The following TRPS1 variants were observed in gnomAD, a reference collection of about 807,000 sequenced individuals.
TRPS1 encodes transcriptional repressor GATA binding 1, also known as zinc finger transcription factor Trps1.
Under a neutral mutation model 101.2 loss-of-function variants are expected in TRPS1, and 6 were observed. The ratio of observed to expected loss-of-function variants is 0.06; its 90% CI spans 0.03 to 0.12. The LOEUF (loss-of-function observed/expected upper bound fraction) is 0.12, where lower values mean the gene tolerates loss of function less well. TRPS1 is among the 10% of genes least tolerant of loss of function. The pLI, the probability that TRPS1 is intolerant of heterozygous loss-of-function variation, is 1.00. For missense variants in TRPS1, 1,363 were observed against 1,567.0 expected (o/e 0.87, Z 2.20); for synonymous variants, 578 against 589.8 (o/e 0.98, Z 0.29).
intron 5 of TRPS1, among the ~76,000 whole-genome samples, chr8:115,504,523 A>G (rs1301284319): frequency 6.6e-6 from 1 of 152,158 alleles, no homozygotes; most frequent in Non-Finnish European, 1.5e-5. Context: ...ACACAACCTA[A>G]TGCACCCAAC....
At position 115,492,547 on chromosome 8, in the gene TRPS1, G is replaced by T. The variant is rs150574779; in HGVS notation, c.2701-74095C>A. On this transcript the variant is annotated intron_variant, in intron 5 of 6. Coordinates refer to ENST00000395715, the MANE Select transcript of TRPS1 (RefSeq NM_014112.5). ...TCAATCGACAAAAATAACTCTATGG[G>T]GTGGGTGCTATTGTCATTCTAGTTT... Among the ~76,000 whole-genome samples the T allele has an allele frequency of 2.6e-5, 4 of 151,866 alleles. No individual in the cohort carries two copies. In the East Asian group the frequency reaches 7.7e-4, roughly 29 times the overall value.
At chr8:115,663,668 CATAG>C (rs60228691) in intron 1 of TRPS1, among the ~76,000 whole-genome samples, 10,536 of 126,898 alleles carry the variant, frequency 0.083, 1,127 homozygotes, top group African/African-American at 0.26. Context: ...ATTTGAAGTA[CATAG>C]ATAATTTCAC....
chr8:115,508,122 T>C (rs993185602), intron 5 of TRPS1, among the ~76,000 whole-genome samples: 3 of 152,128 alleles, frequency 2.0e-5, no homozygotes, highest in Non-Finnish European at 4.4e-5. Flanking sequence ...GCCCAGTTCA[T>C]GTAGAAATTT....
rs886062602 is a variant in TRPS1, at chr8:115,409,261, G to GGAAAAAAAAAA, written c.*4761_*4762insTTTTTTTTTTC. 4.9e-5 allele frequency: 5 copies of GGAAAAAAAAAA among 102,252 alleles called. No individual in the cohort carries two copies. Among genetic ancestry groups the GGAAAAAAAAAA allele is most frequent in the African/African-American group, 2.0e-4 (5 of 24,754 alleles). The allele number at this position is 102,252 out of a possible 1,614,324, so 6.3% of individuals were successfully genotyped here. Reference sequence around the variant, plus strand: ...TGATATGCTGCAGTTTATATGTTGGGAAAAAAAAAAAAAAAAAAAACAGGG... The same window carrying GGAAAAAAAAAA: ...TGATATGCTGCAGTTTATATGTTGGGGAAAAAAAAAAAAAAAAAAAAAAAAAAAAAACAGGG... On this transcript the variant is annotated 3_prime_UTR_variant, in exon 7 of 7. Coordinates refer to ENST00000395715, the MANE Select transcript of TRPS1 (RefSeq NM_014112.5).
rs1285752719 is a variant in TRPS1 at position 115,580,634 on chromosome 8, AT to A, written c.2700+6366del. On this transcript the variant is annotated intron_variant, in intron 5 of 6. Transcript: ENST00000395715. ...TAATGAACAGATACTGCACTAAAGG[AT>A]AACATTTCACAGTAGCTGCAAACCT... is the stretch of plus-strand genomic sequence containing the variant. 8.5e-5 allele frequency among the ~76,000 whole-genome samples: 13 copies of A among 152,288 alleles called. No individual in the cohort carries two copies. In the East Asian group the frequency reaches 2.5e-3, roughly 29 times the overall value.
At chr8:115,436,458 G>A (rs1374554469) in intron 5 of TRPS1, among the ~76,000 whole-genome samples, 1 of 152,136 alleles carries the variant, frequency 6.6e-6, no homozygotes, top group Non-Finnish European at 1.5e-5. Flanking sequence ...GCAAACTTGG[G>A]TCATGTCCCT....
rs1431618553 is a variant in TRPS1, at chr8:115,410,761, A to T, written c.*3262T>A. ...GGCCTAAAGTTTGATCCAAAGCTCA[A>T]TTTAGAATATAGACAAATAATTTTA... On this transcript the variant is annotated 3_prime_UTR_variant, in exon 7 of 7. Coordinates refer to ENST00000395715, the MANE Select transcript of TRPS1 (RefSeq NM_014112.5). 6.6e-6 allele frequency: 1 copy of T among 152,490 alleles called. No homozygotes were observed. Among genetic ancestry groups the T allele is most frequent in the African/African-American group, 2.4e-5 (1 of 41,448 alleles). The allele number at this position is 152,490 out of a possible 1,614,324, so 9.4% of individuals were successfully genotyped here. A position where few individuals can be genotyped will look rare whatever the true frequency, so the allele number is the denominator to read the frequency against.
At chr8:115,590,139 C>A (rs116675251) in intron 4 of TRPS1, among the ~76,000 whole-genome samples, 5,406 of 151,646 alleles carry the variant, frequency 0.036, 326 homozygotes, top group African/African-American at 0.12. Flanking sequence ...ACAACAACAA[C>A]AAAAAAAACC....
chr8:115,526,653 T>C (rs571586467), intron 5 of TRPS1, among the ~76,000 whole-genome samples: 1 of 152,246 alleles, frequency 6.6e-6, no homozygotes, highest in East Asian at 1.9e-4. Context: ...TCATGCCTTA[T>C]ATAGAAATGG....
At position 115,418,515 on chromosome 8, in the gene TRPS1, A is replaced by T; in HGVS notation, c.2701-63T>A. 6.2e-7 allele frequency: 1 copy of T among 1,612,136 alleles called. No individual in the cohort carries two copies. The highest frequency in any genetic ancestry group is 1.7e-4 in the Middle Eastern group (1 of 5,994). On this transcript the variant is annotated intron_variant, in intron 5 of 6. Coordinates refer to ENST00000395715, the MANE Select transcript of TRPS1 (RefSeq NM_014112.5). This position sits in a 1 kb window ranked among gnomAD's most constrained non-coding sequence, Gnocchi z 4.3. Reference sequence around the variant, plus strand: ...CACATGATCAGTGGAGTTAGACCAAATCAACCCAGGAGTTTTGTCTTTAAA... The same window carrying T: ...CACATGATCAGTGGAGTTAGACCAATTCAACCCAGGAGTTTTGTCTTTAAA...
At chr8:115,607,475 A>G (rs1020932464) in intron 3 of TRPS1, among the ~76,000 whole-genome samples, 3 of 151,738 alleles carry the variant, frequency 2.0e-5, no homozygotes, top group African/African-American at 7.3e-5. Context: ...TCATTATTTA[A>G]GAAGCTTTTA....
intron 5 of TRPS1, among the ~76,000 whole-genome samples, chr8:115,573,463 T>C (rs1817250608): frequency 6.6e-6 from 1 of 152,150 alleles, no homozygotes; most frequent in Non-Finnish European, 1.5e-5. Flanking sequence ...TGCTAACTCT[T>C]GAAGACTGTC....
At chr8:115,586,953 T>G (rs1174993104) in intron 5 of TRPS1, 48 bp downstream of exon 5, 3 of 1,610,802 alleles carry the variant, frequency 1.9e-6, no homozygotes, top group Middle Eastern at 1.8e-4. Context: ...GTGTTCCTCC[T>G]TTTGCCCTTC....
chr8:115,535,329 T>C lies in TRPS1; in HGVS notation c.2700+51672A>G, dbSNP rs556487805. On this transcript the variant is annotated intron_variant, in intron 5 of 6. Transcript: ENST00000395715. Reference sequence around the variant, plus strand: ...TAGCATATATAGCATATATAGAGCATATATAGCGCATATATATAGCATATA... The same window carrying C: ...TAGCATATATAGCATATATAGAGCACATATAGCGCATATATATAGCATATA... 1.5e-4 allele frequency among the ~76,000 whole-genome samples: 22 copies of C among 147,790 alleles called. 1 individual carries two copies. In the East Asian group the frequency reaches 4.3e-3, roughly 29 times the overall value.
intron 5 of TRPS1, among the ~76,000 whole-genome samples, chr8:115,541,678 T>C (rs1329178444): frequency 1.3e-5 from 2 of 152,194 alleles, no homozygotes; most frequent in Middle Eastern, 3.2e-3. Context: ...GGTTCCTCAT[T>C]TGTAAAACGA....
At chr8:115,583,664 C>CA (rs1196640939) in intron 5 of TRPS1, among the ~76,000 whole-genome samples, 6 of 151,016 alleles carry the variant, frequency 4.0e-5, no homozygotes, top group East Asian at 1.9e-4. Flanking sequence ...GATTAATATG[C>CA]AAAAAAAAGC....
At chr8:115,488,671 C>T (rs2130093363) in intron 5 of TRPS1, among the ~76,000 whole-genome samples, 1 of 152,036 alleles carries the variant, frequency 6.6e-6, no homozygotes, top group East Asian at 1.9e-4. Context: ...GAGATTCCGT[C>T]AAAAACAAAA....
chr8:115,510,822 T>C (rs1003834105), intron 5 of TRPS1, among the ~76,000 whole-genome samples: 2 of 151,922 alleles, frequency 1.3e-5, no homozygotes, highest in Non-Finnish European at 2.9e-5. Context: ...CTATCCTTTA[T>C]CTCCATTTTG....
chr8:115,521,796 T>C (rs1158871138), intron 5 of TRPS1, among the ~76,000 whole-genome samples: 1 of 151,922 alleles, frequency 6.6e-6, no homozygotes, highest in Non-Finnish European at 1.5e-5. Context: ...GCAATTAAGG[T>C]AAATATTCAA....
Sources: allele counts gnomAD v4.1 joint callset (sites outside exome capture counted in the v4.1 genomes callset), GRCh38; gene constraint gnomAD v4.1.1; non-coding constraint Gnocchi (gnomAD v3.1); transcripts MANE v1.5; gene names NCBI Gene and HGNC (gene_info 2026-07-23, HGNC 2026-07-21).